AGBL4: variants seen among roughly 807,000 people sequenced by gnomAD.
The protein encoded by AGBL4 is cytosolic carboxypeptidase 6.
In AGBL4, 58 loss-of-function variants were observed where a neutral mutation model predicts 66.4. The observed-to-expected ratio is 0.87, with a 90% CI of 0.71 to 1.09. AGBL4 has a LOEUF of 1.09. Ranked by LOEUF, AGBL4 falls within the 50% of genes least tolerant of loss-of-function variation. The pLI, the probability that AGBL4 is intolerant of heterozygous loss-of-function variation, is 0.00. For synonymous variants in AGBL4, 234 were observed against 222.9 expected (o/e 1.05, Z -0.44); for missense variants, 579 against 631.0 (o/e 0.92, Z 0.88).
chr1:48,825,917 A>G (rs1243232181), intron 6 of AGBL4, among the ~76,000 whole-genome samples: 2 of 152,064 alleles, frequency 1.3e-5, no homozygotes, highest in Non-Finnish European at 2.9e-5. Flanking sequence ...TTTAGGGGGG[A>G]AGAAATGAAA....
intron 4 of AGBL4, among the ~76,000 whole-genome samples, chr1:49,171,205 A>C (rs1646732287): frequency 6.6e-6 from 1 of 152,174 alleles, no homozygotes; most frequent in Non-Finnish European, 1.5e-5. Context: ...ATTGCTTTTC[A>C]CTTTGTAATG....
intron 3 of AGBL4, among the ~76,000 whole-genome samples, chr1:49,378,071 G>A (rs1014246903): frequency 6.7e-6 from 1 of 149,992 alleles, no homozygotes; most frequent in Non-Finnish European, 1.5e-5. Flanking sequence ...CAAACTTCAT[G>A]CCTTGTCTCC....
At chr1:49,842,462 C>G (rs1646021831) in intron 2 of AGBL4, 2 of 930,686 alleles carry the variant, frequency 2.1e-6, no homozygotes, top group Non-Finnish European at 2.6e-6. Context: ...TGCATGTGCT[C>G]TCTAATTCTT....
At position 49,266,630 on chromosome 1, in the gene AGBL4, C is replaced by T. The variant is rs552166833; in HGVS notation, c.283-20766G>A. On this transcript the variant is annotated intron_variant, in intron 3 of 13. Transcript: ENST00000371839. ...TGTAACACACACACACACACACACA[C>T]GCGAAGGTAGAGTCTGTAGCCAGCC... Among the ~76,000 whole-genome samples the T allele has an allele frequency of 1.7e-4, 25 of 151,322 alleles. No individual in the cohort carries two copies. The South Asian group carries it at 5.2e-3, about 32-fold the overall frequency.
At chr1:49,263,735 T>A (rs1271259673) in intron 3 of AGBL4, among the ~76,000 whole-genome samples, 1 of 152,156 alleles carries the variant, frequency 6.6e-6, no homozygotes, top group Non-Finnish European at 1.5e-5. Flanking sequence ...GAGGGGTACT[T>A]GACAATAAAG....
chr1:48,539,669 T>G lies in AGBL4; in HGVS notation c.1337A>C (p.Lys446Thr), dbSNP rs571447513. 20 of 1,542,922 alleles carry G rather than the reference T, an allele frequency of 1.3e-5. 1 individual carries two copies. In the South Asian group the frequency reaches 2.3e-4, roughly 18 times the overall value. ...CAGTCTCGGCATGGGAATTGCCACC[T>G]TTTCAACCACGGGGTTCAGCCGATA... ...DYYRLNPVVE[K>T]VAIPMPRLRN... Residue 446 changes from lysine to threonine, a missense_variant, in exon 12 of 14, where the codon AAG becomes ACG. Physicochemically the swap from Lys to Thr is moderately conservative, Grantham distance 78 (BLOSUM62 -1). Coordinates refer to ENST00000371839, the MANE Select transcript of AGBL4 (RefSeq NM_032785.4).
chr1:49,237,512 TTATATATATATATATA>T (rs71056690), intron 4 of AGBL4, among the ~76,000 whole-genome samples: 17 of 2,278 alleles, frequency 7.5e-3, no homozygotes, highest in African/African-American at 0.014. Flanking sequence ...CAATATTACA[TTATATATATATATATA>T]TATATATATA....
chr1:49,934,698 A>C (rs747617003), intron 1 of AGBL4, among the ~76,000 whole-genome samples: 16 of 152,194 alleles, frequency 1.1e-4, no homozygotes, highest in Non-Finnish European at 1.8e-4. Context: ...TATAGTAAGA[A>C]TAAGAAAGAT....
intron 5 of AGBL4, among the ~76,000 whole-genome samples, chr1:49,011,667 G>C (rs537532822): frequency 6.6e-6 from 1 of 152,130 alleles, no homozygotes; most frequent in East Asian, 1.9e-4. Context: ...TTAAGAAAAT[G>C]TGGCACATGT....
intron 1 of AGBL4, among the ~76,000 whole-genome samples, chr1:49,917,847 C>T (rs1651726249): frequency 6.6e-6 from 1 of 152,196 alleles, no homozygotes; most frequent in African/African-American, 2.4e-5. Context: ...AAGCACTCCT[C>T]AGCAAATGCA....
chr1:49,551,695 G>A (rs905944885), intron 3 of AGBL4, among the ~76,000 whole-genome samples: 12 of 152,318 alleles, frequency 7.9e-5, no homozygotes, highest in African/African-American at 2.9e-4. Context: ...TCCAGTGGAG[G>A]TGATAGCGGG....
intron 1 of AGBL4, among the ~76,000 whole-genome samples, chr1:49,941,819 G>A (rs893286149): frequency 2.6e-5 from 4 of 151,938 alleles, no homozygotes; most frequent in Non-Finnish European, 1.5e-5. Context: ...TCCAAGGTCA[G>A]GAACAACACA....
chr1:49,024,886 T>G (rs1173879962), intron 5 of AGBL4, among the ~76,000 whole-genome samples: 1 of 152,012 alleles, frequency 6.6e-6, no homozygotes, highest in Non-Finnish European at 1.5e-5. Flanking sequence ...TCTAGAGAGG[T>G]TATTTGAGAT....
At chr1:48,977,826 CT>C (rs1659459566) in intron 5 of AGBL4, among the ~76,000 whole-genome samples, 1 of 152,080 alleles carries the variant, frequency 6.6e-6, no homozygotes, top group Non-Finnish European at 1.5e-5. Context: ...ATCTGCGAAG[CT>C]TTTTAGTGCA....
intron 5 of AGBL4, among the ~76,000 whole-genome samples, chr1:49,007,637 G>A (rs1661974338): frequency 6.6e-6 from 1 of 151,908 alleles, no homozygotes; most frequent in African/African-American, 2.4e-5. Flanking sequence ...GAAAGGTCGG[G>A]TTACCCTCAA....
chr1:48,731,348 TC>T (rs1648093667), intron 6 of AGBL4, among the ~76,000 whole-genome samples: 1 of 152,230 alleles, frequency 6.6e-6, no homozygotes, highest in South Asian at 2.1e-4. Flanking sequence ...AAAGCCCAGT[TC>T]AGCTTGGCTG....
At chr1:48,828,893 G>A (rs1388129471) in intron 6 of AGBL4, among the ~76,000 whole-genome samples, 1 of 152,040 alleles carries the variant, frequency 6.6e-6, no homozygotes, top group African/African-American at 2.4e-5. Flanking sequence ...TGCAAACCTT[G>A]GTATTTTCAC....
intron 6 of AGBL4, among the ~76,000 whole-genome samples, chr1:48,723,453 C>T (rs1647182126): frequency 6.6e-6 from 1 of 152,106 alleles, no homozygotes; most frequent in Non-Finnish European, 1.5e-5. Context: ...TTCCATGAGC[C>T]TATGAAGCTG....
chr1:49,179,338 A>G (rs1427034003), intron 4 of AGBL4, among the ~76,000 whole-genome samples: 1 of 152,138 alleles, frequency 6.6e-6, no homozygotes, highest in East Asian at 1.9e-4. Context: ...ATAGTAATGA[A>G]TTATATATAG....
Sources: gnomAD v4.1 joint callset for allele counts (sites outside exome capture counted in the v4.1 genomes callset) on GRCh38, gnomAD v4.1.1 for gene constraint, MANE v1.5 for transcripts, NCBI Gene and HGNC (gene_info 2026-07-23, HGNC 2026-07-21) for gene names.